SRPRA: variants seen among roughly 807,000 people sequenced by gnomAD.
SRPRA encodes signal recognition particle receptor subunit alpha.
A neutral mutation model predicts 61.1 loss-of-function variants in SRPRA; 30 were observed. That is an observed-to-expected ratio of 0.49 (90% CI 0.37 to 0.67). SRPRA has a LOEUF of 0.67. Among genes scored for constraint, SRPRA ranks in the 30% least tolerant of loss-of-function variants. The pLI is 0.00. For synonymous variants in SRPRA, 324 were observed against 299.7 expected (o/e 1.08, Z -0.84); for missense variants, 759 against 828.4 (o/e 0.92, Z 1.03).
chr11:126,264,754 G>A lies in SRPRA; in HGVS notation c.1525+205C>T, dbSNP rs995805335. ...AACAGGATGAAGGTGACCAAATTCAGGTTTCTCTGGTTAAGGTATATTAGC... is the reference window on the plus strand; with the variant it reads ...AACAGGATGAAGGTGACCAAATTCAAGTTTCTCTGGTTAAGGTATATTAGC... On this transcript the variant is annotated intron_variant, in intron 11 of 13. Coordinates refer to ENST00000332118, the MANE Select transcript of SRPRA (RefSeq NM_003139.4). The surrounding 1 kb of genome is among the most constrained non-coding windows in gnomAD (Gnocchi z 5.0). The A allele has an allele frequency of 5.3e-6, 4 of 750,432 alleles. No individual in the cohort carries two copies. The African/African-American group carries it at 7.1e-5, about 13-fold the overall frequency. 46.5% of individuals were successfully genotyped at this position (750,432 alleles called of 1,614,324 possible). A position where few individuals can be genotyped will look rare whatever the true frequency, so the allele number is the denominator to read the frequency against.
chr11:126,256,602 T>G, the SRPRA span: 3 of 1,614,060 alleles, frequency 1.9e-6, 1 homozygote, highest in Non-Finnish European at 2.5e-6. This position sits in a 1 kb window ranked among gnomAD's most constrained non-coding sequence, Gnocchi z 6.6. Flanking sequence ...ACAAGTCATT[T>G]CTTTTCCTGG....
the SRPRA span, among the ~76,000 whole-genome samples, chr11:126,257,605 A>ATTTTT: frequency 5.4e-4 from 76 of 140,932 alleles, no homozygotes; most frequent in African/African-American, 1.9e-3. Flanking sequence ...AGAATTGTAC[A>ATTTTT]TTTTTTTTTT....
chr11:126,266,208 G>A lies in SRPRA; in HGVS notation c.911C>T (p.Ala304Val). The A allele has an allele frequency of 6.2e-7, 1 of 1,614,134 alleles. No homozygotes were observed. Among genetic ancestry groups the A allele is most frequent in the Non-Finnish European group, 8.5e-7 (1 of 1,180,036 alleles). ...DCSSSDDEGA[A>V]QNSTKPSATK... is the part of the protein sequence containing the mutation. ...CTACCTAGGTTTGGTAGAGTTTTGA[G>A]CAGCCCCTTCGTCATCAGAGCTGCT... is the stretch of plus-strand genomic sequence containing the variant. The change falls in exon 7 of 14, where the codon GCT becomes GTT. Residue 304 changes from alanine (A) to valine (V), a missense_variant. This residue lies in a region of SRPRA where 475 missense variants were observed against 462.5 expected (regional missense o/e 1.03). Transcript: ENST00000332118.
rs1950844365 is a variant in SRPRA at position 126,267,732 on chromosome 11, G to A, written c.202-20C>T. The stretch of plus-strand genomic sequence containing the variant: ...ACCAACCTGTTTAGGGGAAGAAACA[G>A]CCAACAGATCTGCTTACATACTAGC... On this transcript the variant is annotated intron_variant, in intron 2 of 13. Transcript: ENST00000332118. This position sits in a 1 kb window ranked among gnomAD's most constrained non-coding sequence, Gnocchi z 4.2. 3 of 1,613,704 alleles carry A rather than the reference G, an allele frequency of 1.9e-6. No individual in the cohort carries two copies. In the East Asian group the frequency reaches 6.7e-5, roughly 36 times the overall value.
downstream of SRPRA, among the ~76,000 whole-genome samples, chr11:126,257,969 T>A (rs141494742): frequency 1.7e-4 from 26 of 152,308 alleles, no homozygotes; most frequent in East Asian, 4.2e-3. Context: ...GAATGCTTTT[T>A]CAAAACCTCA....
the SRPRA span, chr11:126,250,666 T>C: frequency 6.2e-7 from 1 of 1,614,024 alleles, no homozygotes; most frequent in South Asian, 1.1e-5. This position sits in a 1 kb window ranked among gnomAD's most constrained non-coding sequence, Gnocchi z 5.1. Flanking sequence ...TTTGATAATC[T>C]CTTGGAACTG....
chr11:126,261,155 GAAATGTAAAATGTA>G, downstream of SRPRA: 1 of 364,604 alleles, frequency 2.7e-6, no homozygotes. Context: ...GCCTGTATGT[GAAATGTAAAATGTA>G]AAATGTAAAA....
the SRPRA span, among the ~76,000 whole-genome samples, chr11:126,248,758 G>A: frequency 8.5e-5 from 13 of 152,108 alleles, no homozygotes; most frequent in African/African-American, 2.7e-4. Context: ...CACGGCCCTC[G>A]TGACTTAATC....
the SRPRA span, among the ~76,000 whole-genome samples, chr11:126,246,234 T>G: frequency 1.7e-4 from 26 of 152,296 alleles, no homozygotes; most frequent in South Asian, 3.3e-3. Flanking sequence ...TTTCTGACTT[T>G]TGTGTGTGTT....
At chr11:126,255,408 A>G in the SRPRA span, among the ~76,000 whole-genome samples, 1 of 152,178 alleles carries the variant, frequency 6.6e-6, no homozygotes, top group South Asian at 2.1e-4. This position sits in a 1 kb window ranked among gnomAD's most constrained non-coding sequence, Gnocchi z 4.6. Flanking sequence ...TTCTTTCCCA[A>G]CATCTGCCAT....
chr11:126,264,184 C>T lies in SRPRA; in HGVS notation c.1788+7G>A, dbSNP rs768846228. 9.3e-6 allele frequency: 15 copies of T among 1,613,846 alleles called. No homozygotes were observed. Among genetic ancestry groups the T allele is most frequent in the South Asian group, 7.7e-5 (7 of 91,028 alleles). On this transcript the variant is annotated splice_region_variant and intron_variant, in intron 13 of 13. Transcript: ENST00000332118. The surrounding 1 kb of genome is among the most constrained non-coding windows in gnomAD (Gnocchi z 5.0). ...ACGCCCATTCCAGCCTCCAGTCTCA[C>T]GTTTACCTTGTCATCAATGGTATCA... is the stretch of plus-strand genomic sequence containing the variant.
At chr11:126,248,038 C>T in the SRPRA span, among the ~76,000 whole-genome samples, 4 of 149,844 alleles carry the variant, frequency 2.7e-5, no homozygotes, top group South Asian at 2.1e-4. Context: ...CCCAGCTACT[C>T]GGGAGGATGA....
In SRPRA at chr11:126,267,309, C is replaced by T. The variant is rs1286842449; in HGVS notation, c.392G>A (p.Arg131His). The T allele has an allele frequency of 7.4e-6, 12 of 1,613,988 alleles. No individual in the cohort carries two copies. The highest frequency in any genetic ancestry group is 6.7e-5 in the East Asian group (3 of 44,868). ...AAATTTCTTCATGGTAGTGGGAGCA[C>T]GGATCTTACTGCTCTCCTCTGCTTC... ...LREAEESSKIRAPTTMKKFED... is the reference protein window; with the variant it reads ...LREAEESSKIHAPTTMKKFED... Residue 131 changes from arginine to histidine, a missense_variant, in exon 4 of 14, where the codon CGT becomes CAT. By Grantham distance (29) the Arg-to-His change is conservative. Transcript: ENST00000332118. This position sits in a 1 kb window ranked among gnomAD's most constrained non-coding sequence, Gnocchi z 4.2.
chr11:126,241,980 G>A, the SRPRA span, among the ~76,000 whole-genome samples: 19 of 145,610 alleles, frequency 1.3e-4, no homozygotes, highest in African/African-American at 3.3e-4. Context: ...AGTTGCGGTC[G>A]CGCCACTGCA....
chr11:126,267,304 G>A lies in SRPRA; in HGVS notation c.397C>T (p.Pro133Ser), dbSNP rs760550312. Residue 133 changes from proline to serine, a missense_variant, in exon 4 of 14, where the codon CCC (proline) becomes TCC (serine). Physicochemically the swap from Pro to Ser is moderately conservative, Grantham distance 74. Transcript: ENST00000332118. This position sits in a 1 kb window ranked among gnomAD's most constrained non-coding sequence, Gnocchi z 4.2. ...TCTTCAAATTTCTTCATGGTAGTGG[G>A]AGCACGGATCTTACTGCTCTCCTCT... ...EAEESSKIRA[P>S]TTMKKFEDSE... The A allele has an allele frequency of 2.5e-6, 4 of 1,614,038 alleles. No homozygotes were observed. Among genetic ancestry groups the A allele is most frequent in the Non-Finnish European group, 3.4e-6 (4 of 1,180,028 alleles).
downstream of SRPRA, among the ~76,000 whole-genome samples, chr11:126,258,708 G>A (rs1170036127): frequency 6.6e-6 from 1 of 152,154 alleles, no homozygotes; most frequent in Admixed American, 6.6e-5. Flanking sequence ...TGCACATGTT[G>A]TTTTCATTAA....
Position 126,266,841 on chromosome 11 carries a change from TCTA to T in SRPRA, c.605_607del (p.Val202del). Reference sequence around the variant, plus strand: ...GCGGATCAGCTCCTCTTTGGAAAGTTCTACTCCGTTCTCAGGACCCACTGGAAG... The same window carrying T: ...GCGGATCAGCTCCTCTTTGGAAAGTTCTCCGTTCTCAGGACCCACTGGAAG... On this transcript the variant is annotated inframe_deletion, in exon 5 of 14. Coordinates refer to ENST00000332118, the MANE Select transcript of SRPRA (RefSeq NM_003139.4). 1 of 1,614,210 alleles carries T rather than the reference TCTA, an allele frequency of 6.2e-7. No homozygotes were observed. The highest frequency in any genetic ancestry group is 8.5e-7 in the Non-Finnish European group (1 of 1,180,042).
the SRPRA span, chr11:126,240,743 C>T: frequency 2.0e-6 from 3 of 1,526,282 alleles, no homozygotes; most frequent in South Asian, 1.3e-5. Context: ...TTCTGTGTGC[C>T]TCATATCTAT....
the SRPRA span, among the ~76,000 whole-genome samples, chr11:126,251,973 CGTTTT>C: frequency 1.6e-3 from 237 of 151,268 alleles, no homozygotes; most frequent in African/African-American, 1.7e-3. Context: ...TGTGCCTGGC[CGTTTT>C]GTTTTGTTTT....
Sources: gnomAD v4.1 joint callset for allele counts (sites outside exome capture counted in the v4.1 genomes callset) on GRCh38, gnomAD v4.1.1 for gene constraint, gnomAD v4.1.1 regional missense constraint, Gnocchi (gnomAD v3.1) non-coding constraint, MANE v1.5 for transcripts, NCBI Gene and HGNC (gene_info 2026-07-23, HGNC 2026-07-21) for gene names.